The following SRL variants were observed in gnomAD, a reference collection of about 807,000 sequenced individuals.
The protein encoded by SRL is sarcalumenin.
Under a neutral mutation model 39.5 loss-of-function variants are expected in SRL, and 23 were observed. The ratio of observed to expected loss-of-function variants is 0.58; its 90% CI spans 0.42 to 0.82. The LOEUF is 0.82. Ranked by LOEUF, SRL falls within the 40% of genes least tolerant of loss-of-function variation. The pLI is 0.00. For synonymous variants in SRL, 272 were observed against 237.4 expected (o/e 1.15, Z -1.34); for missense variants, 592 against 607.8 (o/e 0.97, Z 0.27).
intron 5 of SRL, among the ~76,000 whole-genome samples, chr16:4,193,977 T>C (rs1302559514): frequency 6.6e-6 from 1 of 151,308 alleles, no homozygotes; most frequent in Admixed American, 6.6e-5. Flanking sequence ...ACTAATATTA[T>C]TAATTGCTTC....
At chr16:4,209,522 C>A (rs1959174112) in intron 1 of SRL, among the ~76,000 whole-genome samples, 1 of 152,178 alleles carries the variant, frequency 6.6e-6, no homozygotes, top group Middle Eastern at 3.2e-3. Flanking sequence ...ACTTGCTACT[C>A]CCATCTCTCC....
intron 1 of SRL, among the ~76,000 whole-genome samples, chr16:4,230,707 A>C (rs936725906): frequency 6.6e-6 from 1 of 151,990 alleles, no homozygotes; most frequent in Non-Finnish European, 1.5e-5. Flanking sequence ...CCTTCTATGG[A>C]AACAGGGTCT....
chr16:4,221,078 T>C (rs528413643), intron 1 of SRL, among the ~76,000 whole-genome samples: 16 of 151,078 alleles, frequency 1.1e-4, no homozygotes, highest in African/African-American at 2.9e-4. Context: ...ATACGGAGTC[T>C]CACTTTGTCG....
rs767006519 is a variant in SRL, at chr16:4,203,230, G to C, written c.195C>G (p.His65Gln). The C allele has an allele frequency of 6.2e-7, 1 of 1,614,200 alleles. No individual in the cohort carries two copies. Among genetic ancestry groups the C allele is most frequent in the African/African-American group, 1.3e-5 (1 of 75,068 alleles). Residue 65 changes from histidine to glutamine, a missense_variant, in exon 3 of 6, where the codon CAC (histidine) becomes CAG (glutamine). By Grantham distance (24) the His-to-Gln change is conservative (BLOSUM62 0). Transcript: ENST00000399609. ...AVLQRLRKIY[H>Q]SSIKPLEQSY... ...ACTGCTCCAGAGGCTTGATGGATGA[G>C]TGGTAGATCTTCCGAAGCCGCTGCA...
At chr16:4,230,949 C>T (rs568821139) in intron 1 of SRL, among the ~76,000 whole-genome samples, 75 of 152,278 alleles carry the variant, frequency 4.9e-4, no homozygotes, top group South Asian at 3.1e-3. Flanking sequence ...CCCCCTTAGA[C>T]CTTTCAAAGG....
chr16:4,233,542 G>C (rs962307707), intron 1 of SRL, among the ~76,000 whole-genome samples: 3 of 152,084 alleles, frequency 2.0e-5, no homozygotes, highest in South Asian at 2.1e-4. Context: ...TTCAACCAGA[G>C]TGAGCATAGA....
chr16:4,203,410 AT>A (rs887165874), intron 2 of SRL, 149 bp from the exon 3 acceptor site: 86 of 622,758 alleles, frequency 1.4e-4, no homozygotes, highest in Non-Finnish European at 1.4e-4. Flanking sequence ...TGTGCAATGT[AT>A]TTGCATATGG....
chr16:4,201,153 G>A (rs1042405975), intron 3 of SRL, among the ~76,000 whole-genome samples: 12 of 145,268 alleles, frequency 8.3e-5, no homozygotes, highest in African/African-American at 2.1e-4. Flanking sequence ...TCACTCTGTC[G>A]CCCAGGCTGG....
intron 1 of SRL, among the ~76,000 whole-genome samples, chr16:4,216,769 A>C (rs1477974673): frequency 2.6e-5 from 4 of 151,998 alleles, no homozygotes; most frequent in African/African-American, 9.7e-5. Context: ...CGAGCTGGGG[A>C]GGAAAGGGAA....
chr16:4,222,542 T>C (rs1437776652), intron 1 of SRL, among the ~76,000 whole-genome samples: 2 of 152,112 alleles, frequency 1.3e-5, no homozygotes. Flanking sequence ...CCAAAGTGCT[T>C]AGATTACAGG....
At chr16:4,237,642 C>G (rs905982289) in intron 1 of SRL, among the ~76,000 whole-genome samples, 4 of 152,256 alleles carry the variant, frequency 2.6e-5, no homozygotes, top group Admixed American at 2.6e-4. Context: ...CCCGCCACCC[C>G]ACTTCCATCT....
chr16:4,218,187 G>A (rs1299971784), intron 1 of SRL, among the ~76,000 whole-genome samples: 6 of 151,906 alleles, frequency 3.9e-5, no homozygotes, highest in African/African-American at 2.4e-5. Flanking sequence ...TCCCCACCAC[G>A]TCCCATCCCT....
At chr16:4,231,460 C>T (rs901664788) in intron 1 of SRL, among the ~76,000 whole-genome samples, 2 of 152,208 alleles carry the variant, frequency 1.3e-5, no homozygotes, top group African/African-American at 4.8e-5. Flanking sequence ...CAATCGTTTT[C>T]ACCATCCCCA....
intron 1 of SRL, among the ~76,000 whole-genome samples, chr16:4,208,322 G>A (rs2052351196): frequency 6.6e-6 from 1 of 152,194 alleles, no homozygotes; most frequent in Non-Finnish European, 1.5e-5. Flanking sequence ...CTGTGGATCA[G>A]GGAGTTAAAG....
At chr16:4,210,486 C>CTTTTTTT (rs555999418) in intron 1 of SRL, among the ~76,000 whole-genome samples, 6,480 of 103,708 alleles carry the variant, frequency 0.062, 688 homozygotes, top group Middle Eastern at 0.088. Flanking sequence ...TTACTCATAT[C>CTTTTTTT]TTTTTTTTTT....
At chr16:4,220,823 T>G (rs1423574047) in intron 1 of SRL, among the ~76,000 whole-genome samples, 1 of 150,308 alleles carries the variant, frequency 6.7e-6, no homozygotes, top group African/African-American at 2.5e-5. Context: ...ACCCCGAATA[T>G]ACTTAAAAAA....
At chr16:4,218,761 A>AGGAGGTG (rs2052489120) in intron 1 of SRL, among the ~76,000 whole-genome samples, 1 of 152,230 alleles carries the variant, frequency 6.6e-6, no homozygotes, top group Non-Finnish European at 1.5e-5. Flanking sequence ...GTCCTCAGCC[A>AGGAGGTG]TCTCTCCTAC....
intron 1 of SRL, among the ~76,000 whole-genome samples, chr16:4,231,126 G>A (rs1242360309): frequency 6.6e-6 from 1 of 152,142 alleles, no homozygotes; most frequent in Non-Finnish European, 1.5e-5. Flanking sequence ...ACCAGCCCAG[G>A]CAACATGGCG....
At chr16:4,228,836 C>T (rs988075575) in intron 1 of SRL, among the ~76,000 whole-genome samples, 3 of 152,132 alleles carry the variant, frequency 2.0e-5, no homozygotes, top group African/African-American at 4.8e-5. Flanking sequence ...TTGTTCCCCT[C>T]CAGAACTGGA....
Sources: allele counts gnomAD v4.1 joint callset (sites outside exome capture counted in the v4.1 genomes callset), GRCh38; gene constraint gnomAD v4.1.1; transcripts MANE v1.5; gene names NCBI Gene and HGNC (gene_info 2026-07-23, HGNC 2026-07-21).